The following OXR1 variants were observed in gnomAD, a reference collection of about 807,000 sequenced individuals.
The protein encoded by OXR1 is oxidation resistance 1.
In OXR1, 41 loss-of-function variants were observed where a neutral mutation model predicts 104.6. The ratio of observed to expected loss-of-function variants is 0.39; its 90% CI spans 0.31 to 0.51. The LOEUF (loss-of-function observed/expected upper bound fraction) is 0.51, where lower values mean the gene tolerates loss of function less well. OXR1 is among the 20% of genes least tolerant of loss of function. The pLI is 0.77. For missense variants in OXR1, 955 were observed against 1,031.9 expected (o/e 0.93, Z 1.02); for synonymous variants, 348 against 348.4 (o/e 1.00, Z 0.01).
At chr8:106,454,753 C>T (rs1820509988) in intron 2 of OXR1, among the ~76,000 whole-genome samples, 1 of 152,112 alleles carries the variant, frequency 6.6e-6, no homozygotes, top group Admixed American at 6.6e-5. Flanking sequence ...CCTCTTCCCA[C>T]TACTCAATCC....
chr8:106,420,945 A>T (rs1002566004), intron 2 of OXR1, among the ~76,000 whole-genome samples: 4 of 152,088 alleles, frequency 2.6e-5, no homozygotes, highest in Non-Finnish European at 5.9e-5. Context: ...TAACAAATGT[A>T]AGCAGAGTCA....
chr8:106,727,082 G>A (rs1202734555), intron 11 of OXR1, among the ~76,000 whole-genome samples: 1 of 152,114 alleles, frequency 6.6e-6, no homozygotes, highest in East Asian at 1.9e-4. Context: ...ATTTTTAATT[G>A]TAATTTCAAA....
chr8:106,507,950 C>T (rs1011374774), intron 2 of OXR1, among the ~76,000 whole-genome samples: 1 of 152,208 alleles, frequency 6.6e-6, no homozygotes, highest in South Asian at 2.1e-4. Context: ...AAAGGAAGGA[C>T]TCTGGCTGCA....
At chr8:106,732,096 A>G (rs771455390) in intron 11 of OXR1, among the ~76,000 whole-genome samples, 1 of 152,038 alleles carries the variant, frequency 6.6e-6, no homozygotes, top group Admixed American at 6.5e-5. Flanking sequence ...GTAGATCTCT[A>G]TGTATTTTGT....
intron 2 of OXR1, among the ~76,000 whole-genome samples, chr8:106,488,670 T>A (rs560711318): frequency 1.0e-4 from 15 of 146,982 alleles, no homozygotes; most frequent in African/African-American, 3.3e-4. Context: ...GCACCATTTA[T>A]TAAATAGGGA....
At chr8:106,479,853 C>CA (rs1230130994) in intron 2 of OXR1, among the ~76,000 whole-genome samples, 1 of 151,896 alleles carries the variant, frequency 6.6e-6, no homozygotes, top group Admixed American at 6.6e-5. Context: ...AATTTACTCT[C>CA]CAAAAGATTA....
chr8:106,283,248 C>T lies in OXR1; in HGVS notation c.-139+12881C>T, dbSNP rs144840206. ...ACAGGGCTTTTCCTATGTGGAGCAACGCAGTCTTAGAATTAAGTGCCATGT... is the reference window on the plus strand; with the variant it reads ...ACAGGGCTTTTCCTATGTGGAGCAATGCAGTCTTAGAATTAAGTGCCATGT... On this transcript the variant is annotated intron_variant, in intron 1 of 16. Coordinates refer to ENST00000517566, the MANE Select transcript of OXR1 (RefSeq NM_001198533.2). Among the ~76,000 whole-genome samples the T allele has an allele frequency of 3.5e-4, 54 of 152,284 alleles. No homozygotes were observed. In the East Asian group the frequency reaches 8.5e-3, roughly 24 times the overall value.
intron 2 of OXR1, among the ~76,000 whole-genome samples, chr8:106,474,945 G>A (rs1382153185): frequency 6.6e-6 from 1 of 151,886 alleles, no homozygotes; most frequent in Admixed American, 6.6e-5. Flanking sequence ...TTAAATCTTG[G>A]TCCTCTGTTT....
At chr8:106,356,739 T>TAA in intron 1 of OXR1, among the ~76,000 whole-genome samples, 1 of 151,382 alleles carries the variant, frequency 6.6e-6, no homozygotes, top group Non-Finnish European at 1.5e-5. Flanking sequence ...AAAATAATAA[T>TAA]AAAAAAAAAG....
At chr8:106,623,623 G>A (rs3101548) in intron 3 of OXR1, among the ~76,000 whole-genome samples, 91,439 of 151,934 alleles carry the variant, frequency 0.6, 28,658 homozygotes, top group African/African-American at 0.79. Context: ...CAGGTGAATA[G>A]TAGTGGTGGA....
intron 3 of OXR1, among the ~76,000 whole-genome samples, chr8:106,677,578 A>G (rs900632869): frequency 1.3e-5 from 2 of 152,122 alleles, no homozygotes; most frequent in Admixed American, 1.3e-4. Context: ...ATTTGCATTT[A>G]TCTAATTATG....
chr8:106,697,619 G>T, intron 7 of OXR1: 1 of 1,613,498 alleles, frequency 6.2e-7, no homozygotes, highest in South Asian at 1.1e-5. Context: ...AACCCACCCA[G>T]ATTCCTCAGC....
intron 1 of OXR1, among the ~76,000 whole-genome samples, chr8:106,323,579 C>A (rs971791474): frequency 1.3e-5 from 2 of 152,110 alleles, no homozygotes; most frequent in Admixed American, 1.3e-4. Flanking sequence ...CAACAACCTG[C>A]AGAATGGGAG....
At chr8:106,547,492 C>CTTTTTTT (rs60073341) in intron 3 of OXR1, among the ~76,000 whole-genome samples, 16 of 116,574 alleles carry the variant, frequency 1.4e-4, no homozygotes, top group African/African-American at 1.9e-4. Context: ...TTCTTTCTTT[C>CTTTTTTT]TTTTTTTTTT....
chr8:106,555,372 C>T (rs1300801779), intron 3 of OXR1, among the ~76,000 whole-genome samples: 1 of 152,064 alleles, frequency 6.6e-6, no homozygotes, highest in Non-Finnish European at 1.5e-5. Flanking sequence ...AATCAATATT[C>T]AGGGAGGATA....
chr8:106,704,785 T>A (rs1037404678), intron 8 of OXR1, among the ~76,000 whole-genome samples: 33 of 152,190 alleles, frequency 2.2e-4, no homozygotes, highest in Non-Finnish European at 3.8e-4. Context: ...TGTATAGCTC[T>A]TCCCTTTCAA....
intron 8 of OXR1, among the ~76,000 whole-genome samples, chr8:106,703,582 A>G (rs1418772181): frequency 2.0e-5 from 3 of 152,094 alleles, no homozygotes; most frequent in African/African-American, 4.8e-5. Flanking sequence ...AATACAGTGT[A>G]AAGTACAGGG....
intron 3 of OXR1, among the ~76,000 whole-genome samples, chr8:106,528,575 G>GA (rs1813861175): frequency 6.6e-6 from 1 of 152,166 alleles, no homozygotes; most frequent in African/African-American, 2.4e-5. Context: ...GCTCTGAAGA[G>GA]AAAAGCAAGA....
At chr8:106,693,374 A>C (rs544271941) in intron 7 of OXR1, among the ~76,000 whole-genome samples, 3 of 151,854 alleles carry the variant, frequency 2.0e-5, no homozygotes, top group Admixed American at 2.0e-4. Context: ...GGAAAGGTTA[A>C]TAGGTCCAAG....
Sources: allele counts gnomAD v4.1 joint callset (sites outside exome capture counted in the v4.1 genomes callset), GRCh38; gene constraint gnomAD v4.1.1; transcripts MANE v1.5; gene names NCBI Gene and HGNC (gene_info 2026-07-23, HGNC 2026-07-21).